Variants in RYR2 observed in about 807,000 individuals in gnomAD.
RYR2 encodes the protein ryanodine receptor 2, also known as cardiac muscle ryanodine receptor-calcium release channel.
RYR2 carries 227 observed loss-of-function variants against 601.1 expected under a neutral mutation model. That is an observed-to-expected ratio of 0.38 (90% CI 0.34 to 0.42). RYR2 has a LOEUF of 0.42. RYR2 is among the 10% of genes least tolerant of loss of function. The probability of loss-of-function intolerance (pLI) is 1.00; values close to 1 mark genes in which losing one functional copy is unlikely to be tolerated. For missense variants in RYR2, 4,646 were observed against 6,156.5 expected (o/e 0.75, Z 8.21); for synonymous variants, 2,223 against 2,175.1 (o/e 1.02, Z -0.61).
At chr1:237,257,624 C>T (rs73123365) in intron 1 of RYR2, among the ~76,000 whole-genome samples, 2,597 of 152,206 alleles carry the variant, frequency 0.017, 70 homozygotes, top group African/African-American at 0.059. Context: ...TGAACGAGGT[C>T]GGCAGAGTCT....
intron 1 of RYR2, among the ~76,000 whole-genome samples, chr1:237,194,044 A>C (rs1004777063): frequency 3.3e-5 from 5 of 152,258 alleles, no homozygotes; most frequent in Non-Finnish European, 5.9e-5. Context: ...CATTGATTAG[A>C]GCACTTGGAA....
At position 237,084,078 on chromosome 1, in the gene RYR2, A is replaced by G. The variant is rs1666038318; in HGVS notation, c.48+41509A>G. Among the ~76,000 whole-genome samples the G allele has an allele frequency of 2.0e-5, 3 of 152,054 alleles. No individual in the cohort carries two copies. In the South Asian group the frequency reaches 6.2e-4, roughly 32 times the overall value. On this transcript the variant is annotated intron_variant, in intron 1 of 104. Transcript: ENST00000366574. ...ACTGTCCAAGTGTGAATGCCTCCAG[A>G]GTTTGGTCCTCGGTCCTCCATCATC... is the stretch of plus-strand genomic sequence containing the variant.
At chr1:237,085,106 C>G (rs183290517) in intron 1 of RYR2, among the ~76,000 whole-genome samples, 2 of 152,288 alleles carry the variant, frequency 1.3e-5, no homozygotes, top group Non-Finnish European at 2.9e-5. Context: ...TAGCATGAGT[C>G]GTGAAATTTG....
intron 1 of RYR2, among the ~76,000 whole-genome samples, chr1:237,162,882 G>C (rs1676196159): frequency 6.6e-6 from 1 of 152,088 alleles, no homozygotes; most frequent in South Asian, 2.1e-4. Flanking sequence ...GGAGTCTAAT[G>C]GGGCTGTTAC....
chr1:237,285,501 C>G (rs1691459473), intron 2 of RYR2, among the ~76,000 whole-genome samples: 1 of 151,918 alleles, frequency 6.6e-6, no homozygotes, highest in Non-Finnish European at 1.5e-5. Flanking sequence ...TGGGTATGTC[C>G]TTTCCTGGTT....
intron 6 of RYR2, among the ~76,000 whole-genome samples, chr1:237,372,710 A>G (rs1195728772): frequency 6.6e-6 from 1 of 152,238 alleles, no homozygotes; most frequent in Non-Finnish European, 1.5e-5. Context: ...TCTATACATA[A>G]TAGTTGGGTT....
rs758502360 is a variant in RYR2 at position 237,655,803 on chromosome 1, G to A, written c.7966-18G>A. The A allele has an allele frequency of 1.3e-6, 2 of 1,550,694 alleles. No individual in the cohort carries two copies. Among genetic ancestry groups the A allele is most frequent in the Non-Finnish European group, 1.7e-6 (2 of 1,152,750 alleles). Reference sequence around the variant, plus strand: ...TGCCATATAGTAATTTTTTTTTTTGGTCCTCCATTTTTCCCAGAAATATGA... The same window carrying A: ...TGCCATATAGTAATTTTTTTTTTTGATCCTCCATTTTTCCCAGAAATATGA... On this transcript the variant is annotated intron_variant, in intron 52 of 104. Coordinates refer to ENST00000366574, the MANE Select transcript of RYR2 (RefSeq NM_001035.3).
intron 48 of RYR2, among the ~76,000 whole-genome samples, chr1:237,644,479 G>T (rs760039597): frequency 6.6e-6 from 1 of 152,042 alleles, no homozygotes; most frequent in Non-Finnish European, 1.5e-5. Context: ...CGATCCGCCT[G>T]CCTCAGCCTC....
intron 1 of RYR2, among the ~76,000 whole-genome samples, chr1:237,212,651 G>T (rs1173298905): frequency 6.6e-6 from 1 of 152,064 alleles, no homozygotes; most frequent in African/African-American, 2.4e-5. Flanking sequence ...AAATTAAAAG[G>T]CATGCACATT....
chr1:237,632,196 G>A (rs1717782), intron 42 of RYR2, among the ~76,000 whole-genome samples: 68,032 of 151,640 alleles, frequency 0.45, 16,541 homozygotes, highest in Non-Finnish European at 0.56. Context: ...TACTCTATGT[G>A]TTAATTTATT....
At chr1:237,219,675 A>G (rs902631842) in intron 1 of RYR2, among the ~76,000 whole-genome samples, 3 of 152,196 alleles carry the variant, frequency 2.0e-5, no homozygotes, top group Non-Finnish European at 2.9e-5. Context: ...GGGAAAGGAT[A>G]TAATCTCGAA....
At chr1:237,825,265 T>C (rs1185797253) in intron 101 of RYR2, among the ~76,000 whole-genome samples, 2 of 152,126 alleles carry the variant, frequency 1.3e-5, no homozygotes, top group African/African-American at 4.8e-5. Flanking sequence ...CTTCAGACTA[T>C]ACTACAAGGC....
intron 24 of RYR2, among the ~76,000 whole-genome samples, chr1:237,529,335 G>A (rs1204271344): frequency 6.6e-6 from 1 of 151,714 alleles, no homozygotes; most frequent in Non-Finnish European, 1.5e-5. Flanking sequence ...AATTTCATGG[G>A]GTTATTTTAA....
At chr1:237,752,310 G>A (rs1391963947) in intron 80 of RYR2, among the ~76,000 whole-genome samples, 3 of 152,174 alleles carry the variant, frequency 2.0e-5, no homozygotes, top group South Asian at 4.1e-4. Flanking sequence ...ACACCACGAA[G>A]CCTGGCTATT....
chr1:237,131,180 CT>C (rs1285758076), intron 1 of RYR2, among the ~76,000 whole-genome samples: 1 of 152,086 alleles, frequency 6.6e-6, no homozygotes, highest in East Asian at 1.9e-4. Context: ...ACAGTTCCCC[CT>C]GGGAGGAATT....
chr1:237,638,936 A>T, intron 45 of RYR2, 79 bp from the exon 46 acceptor site: 5 of 1,476,050 alleles, frequency 3.4e-6, no homozygotes, highest in Non-Finnish European at 4.6e-6. Flanking sequence ...ATACATAGGA[A>T]ATGATTAGTA....
At chr1:237,254,651 G>A (rs777610641) in intron 1 of RYR2, among the ~76,000 whole-genome samples, 7 of 152,086 alleles carry the variant, frequency 4.6e-5, no homozygotes, top group African/African-American at 1.2e-4. Context: ...TGCAAGCAAC[G>A]GACACCAATC....
At chr1:237,421,022 C>A (rs976800073) in intron 11 of RYR2, among the ~76,000 whole-genome samples, 1 of 152,184 alleles carries the variant, frequency 6.6e-6, no homozygotes, top group Admixed American at 6.6e-5. Context: ...GGGCAGATCA[C>A]AAGGTCAGGA....
chr1:237,129,525 A>G (rs138446855), intron 1 of RYR2, among the ~76,000 whole-genome samples: 2 of 152,238 alleles, frequency 1.3e-5, no homozygotes, highest in East Asian at 3.9e-4. Context: ...AGCAATTTTG[A>G]CAGATTGAAG....
Sources: gnomAD v4.1 joint callset for allele counts (sites outside exome capture counted in the v4.1 genomes callset) on GRCh38, gnomAD v4.1.1 for gene constraint, MANE v1.5 for transcripts, NCBI Gene and HGNC (gene_info 2026-07-23, HGNC 2026-07-21) for gene names.